GALNTL6: variants seen among roughly 807,000 people sequenced by gnomAD.
GALNTL6 encodes polypeptide N-acetylgalactosaminyltransferase-like 6.
A neutral mutation model predicts 73.7 loss-of-function variants in GALNTL6; 46 were observed. The ratio of observed to expected loss-of-function variants is 0.62; its 90% CI spans 0.49 to 0.80. The LOEUF is 0.80. GALNTL6 is among the 30% of genes least tolerant of loss of function. GALNTL6 has a pLI of 0.00. For synonymous variants in GALNTL6, 259 were observed against 263.7 expected (o/e 0.98, Z 0.17); for missense variants, 604 against 755.0 (o/e 0.80, Z 2.34).
chr4:172,509,553 T>C (rs2110790234), intron 5 of GALNTL6, among the ~76,000 whole-genome samples: 1 of 55,138 alleles, frequency 1.8e-5, no homozygotes, highest in African/African-American at 4.5e-5. Context: ...TTTTCCAATG[T>C]TCTAGAATCT....
intron 2 of GALNTL6, among the ~76,000 whole-genome samples, chr4:171,973,501 G>C (rs1307538733): frequency 6.6e-6 from 1 of 152,012 alleles, no homozygotes; most frequent in Non-Finnish European, 1.5e-5. Flanking sequence ...TTTTCACATG[G>C]ATACTGTCTC....
chr4:172,924,326 C>T (rs947154942), intron 8 of GALNTL6, among the ~76,000 whole-genome samples: 3 of 152,166 alleles, frequency 2.0e-5, no homozygotes, highest in African/African-American at 7.2e-5. Context: ...TGAGGATTCC[C>T]GCACTTCCGG....
intron 3 of GALNTL6, among the ~76,000 whole-genome samples, chr4:172,253,968 G>A (rs151021915): frequency 6.3e-4 from 95 of 151,746 alleles, no homozygotes; most frequent in African/African-American, 2.1e-3. Flanking sequence ...AAACACTAAT[G>A]GGCACTAAAA....
At chr4:171,815,012 G>GT in intron 2 of GALNTL6, 1 of 509,754 alleles carries the variant, frequency 2.0e-6, no homozygotes, top group African/African-American at 1.9e-5. Context: ...TGGATGAAAG[G>GT]TAACTGTTCA....
intron 5 of GALNTL6, among the ~76,000 whole-genome samples, chr4:172,653,432 G>C (rs1740587799): frequency 6.6e-6 from 1 of 151,960 alleles, no homozygotes; most frequent in Non-Finnish European, 1.5e-5. Flanking sequence ...TGTTAGCCAG[G>C]CTGGTCTTGA....
intron 5 of GALNTL6, among the ~76,000 whole-genome samples, chr4:172,615,106 G>A (rs1738672573): frequency 6.6e-6 from 1 of 151,716 alleles, no homozygotes; most frequent in South Asian, 2.1e-4. Flanking sequence ...TCTGAGGCTA[G>A]GGTATTAGCA....
At chr4:172,221,586 T>C (rs1437100579) in intron 2 of GALNTL6, among the ~76,000 whole-genome samples, 1 of 151,660 alleles carries the variant, frequency 6.6e-6, no homozygotes, top group Non-Finnish European at 1.5e-5. Context: ...TCTTCACCCT[T>C]AGGAATCACA....
chr4:171,960,858 C>T (rs1369120894), intron 2 of GALNTL6, among the ~76,000 whole-genome samples: 1 of 151,834 alleles, frequency 6.6e-6, no homozygotes, highest in Non-Finnish European at 1.5e-5. Flanking sequence ...TGGTGTGAAT[C>T]TAGTTGCTTT....
At chr4:172,479,562 G>A (rs1733368190) in intron 5 of GALNTL6, among the ~76,000 whole-genome samples, 1 of 152,138 alleles carries the variant, frequency 6.6e-6, no homozygotes, top group Non-Finnish European at 1.5e-5. Context: ...AAGAGAGAGT[G>A]TGGGAGGGAA....
At chr4:172,833,398 G>A (rs1742746267) in intron 7 of GALNTL6, among the ~76,000 whole-genome samples, 1 of 152,110 alleles carries the variant, frequency 6.6e-6, no homozygotes, top group African/African-American at 2.4e-5. Context: ...GAAAAACTGG[G>A]GAAGGCATCT....
At position 172,150,216 on chromosome 4, in the gene GALNTL6, G is replaced by A. The variant is rs150832141; in HGVS notation, c.139-79440G>A. Among the ~76,000 whole-genome samples, 168 of 152,242 alleles carry A rather than the reference G, an allele frequency of 1.1e-3. 2 individuals are homozygous for A. In the East Asian group the frequency reaches 0.028, roughly 26 times the overall value. On this transcript the variant is annotated intron_variant, in intron 2 of 12. Coordinates refer to ENST00000506823, the MANE Select transcript of GALNTL6 (RefSeq NM_001034845.3). ...GGAAACTGATTTTTGAAGAGACATA[G>A]TGCCAGCCTTGCATACTCAATGTCT...
intron 5 of GALNTL6, among the ~76,000 whole-genome samples, chr4:172,766,500 A>C (rs1738413846): frequency 6.6e-6 from 1 of 152,194 alleles, no homozygotes; most frequent in South Asian, 2.1e-4. Context: ...GGGAAGAAGA[A>C]CCTGAACTAA....
intron 2 of GALNTL6, among the ~76,000 whole-genome samples, chr4:172,201,819 A>G (rs1332195545): frequency 1.3e-5 from 2 of 152,210 alleles, no homozygotes; most frequent in East Asian, 1.9e-4. Context: ...ATAATCAGCC[A>G]CAATGTCCAA....
chr4:172,417,638 G>A (rs1232056891), intron 5 of GALNTL6, among the ~76,000 whole-genome samples: 1 of 151,910 alleles, frequency 6.6e-6, no homozygotes, highest in African/African-American at 2.4e-5. Flanking sequence ...GGCAGAGTGA[G>A]ACCCTGTCTC....
At chr4:172,399,076 A>C (rs1360857285) in intron 5 of GALNTL6, among the ~76,000 whole-genome samples, 1 of 152,134 alleles carries the variant, frequency 6.6e-6, no homozygotes, top group Non-Finnish European at 1.5e-5. Context: ...ACTACTTTTT[A>C]CCTGGTCAGA....
At chr4:172,116,737 A>C (rs919503113) in intron 2 of GALNTL6, among the ~76,000 whole-genome samples, 1 of 152,230 alleles carries the variant, frequency 6.6e-6, no homozygotes, top group African/African-American at 2.4e-5. Context: ...ACACTTTTTA[A>C]AACAGCAAAG....
At chr4:172,991,767 A>G (rs1751555634) in intron 10 of GALNTL6, among the ~76,000 whole-genome samples, 1 of 152,208 alleles carries the variant, frequency 6.6e-6, no homozygotes, top group African/African-American at 2.4e-5. Context: ...TTAGTGTGTA[A>G]GCATAAGATA....
intron 2 of GALNTL6, among the ~76,000 whole-genome samples, chr4:172,044,977 C>T (rs1742178912): frequency 6.6e-6 from 1 of 151,878 alleles, no homozygotes; most frequent in Non-Finnish European, 1.5e-5. Flanking sequence ...AATGTAAAAC[C>T]CATGTCAAGT....
intron 2 of GALNTL6, among the ~76,000 whole-genome samples, chr4:172,040,179 A>C (rs1269126500): frequency 1.3e-5 from 2 of 151,264 alleles, no homozygotes; most frequent in African/African-American, 4.8e-5. Flanking sequence ...ATAGCATATT[A>C]ATAATCATTG....
Sources: gnomAD v4.1 joint callset for allele counts (sites outside exome capture counted in the v4.1 genomes callset) on GRCh38, gnomAD v4.1.1 for gene constraint, MANE v1.5 for transcripts, NCBI Gene and HGNC (gene_info 2026-07-23, HGNC 2026-07-21) for gene names.